QTMAN: variants seen among roughly 807,000 people sequenced by gnomAD.
The protein encoded by QTMAN is queuosine-tRNA mannosyltransferase.
chr2:143,961,484 T>C, the QTMAN span, among the ~76,000 whole-genome samples: 4 of 152,190 alleles, frequency 2.6e-5, no homozygotes, highest in African/African-American at 2.4e-5. Flanking sequence ...CCTATTTGTC[T>C]AGTAATGTCG....
chr2:144,187,007 A>C, the QTMAN span, among the ~76,000 whole-genome samples: 2 of 152,218 alleles, frequency 1.3e-5, no homozygotes, highest in African/African-American at 4.8e-5. Context: ...TAATATCTTA[A>C]GATGCTTAAT....
the QTMAN span, among the ~76,000 whole-genome samples, chr2:144,222,622 C>T: frequency 2.6e-5 from 4 of 151,416 alleles, no homozygotes; most frequent in African/African-American, 2.4e-5. Context: ...TTGGCTAACA[C>T]GGTGAAATCC....
chr2:143,987,834 T>C, the QTMAN span, among the ~76,000 whole-genome samples: 1 of 152,166 alleles, frequency 6.6e-6, no homozygotes, highest in South Asian at 2.1e-4. Flanking sequence ...TGAAGAGTAA[T>C]ACCAAATAGG....
chr2:144,155,253 AGATGTCAACC>A, the QTMAN span, among the ~76,000 whole-genome samples: 1 of 152,188 alleles, frequency 6.6e-6, no homozygotes, highest in Non-Finnish European at 1.5e-5. Context: ...GAGGAAAGGT[AGATGTCAACC>A]TGGTACAAAG....
chr2:144,129,960 G>C, the QTMAN span, among the ~76,000 whole-genome samples: 2 of 151,680 alleles, frequency 1.3e-5, no homozygotes, highest in Non-Finnish European at 2.9e-5. Flanking sequence ...CTTAAGGAAA[G>C]CATATCATTT....
chr2:144,217,337 G>A, the QTMAN span, among the ~76,000 whole-genome samples: 1 of 151,888 alleles, frequency 6.6e-6, no homozygotes, highest in East Asian at 1.9e-4. Flanking sequence ...ATACTTCACT[G>A]CAGGCACAGG....
At chr2:144,129,605 A>G in the QTMAN span, among the ~76,000 whole-genome samples, 1 of 152,014 alleles carries the variant, frequency 6.6e-6, no homozygotes, top group Admixed American at 6.6e-5. Flanking sequence ...AAGTATTTAA[A>G]CATTTCCCAG....
the QTMAN span, among the ~76,000 whole-genome samples, chr2:144,278,012 C>G: frequency 6.6e-6 from 1 of 152,170 alleles, no homozygotes; most frequent in Non-Finnish European, 1.5e-5. Flanking sequence ...AAGATAGCAT[C>G]AAACACAGGC....
the QTMAN span, among the ~76,000 whole-genome samples, chr2:144,279,497 CG>C: frequency 2.6e-5 from 4 of 152,206 alleles, no homozygotes; most frequent in African/African-American, 7.2e-5. Context: ...GGAAATGCTG[CG>C]GAACAGCCCT....
At chr2:144,189,289 T>C in the QTMAN span, among the ~76,000 whole-genome samples, 3 of 152,168 alleles carry the variant, frequency 2.0e-5, no homozygotes, top group Non-Finnish European at 4.4e-5. Context: ...GCCCCACTTA[T>C]GCAGAGTATT....
chr2:143,941,999 T>A, the QTMAN span: 9 of 158,502 alleles, frequency 5.7e-5, no homozygotes, highest in South Asian at 1.9e-3. Context: ...TTGAAGACAT[T>A]AAATTTTCAG....
At chr2:144,210,713 A>G in the QTMAN span, 3 of 152,206 alleles carry the variant, frequency 2.0e-5, no homozygotes, top group African/African-American at 7.2e-5. Flanking sequence ...AATCCTTCAA[A>G]TGATGGAAAT....
the QTMAN span, among the ~76,000 whole-genome samples, chr2:144,018,345 C>G: frequency 2.6e-4 from 39 of 151,978 alleles, no homozygotes; most frequent in African/African-American, 9.2e-4. Flanking sequence ...CTTTTGGCTC[C>G]CATATTAAAT....
the QTMAN span, chr2:144,211,037 T>C: frequency 6.6e-6 from 1 of 152,196 alleles, no homozygotes; most frequent in Non-Finnish European, 1.5e-5. Flanking sequence ...ATATAAATAT[T>C]GGAAAAGAAA....
the QTMAN span, among the ~76,000 whole-genome samples, chr2:144,127,455 G>C: frequency 6.6e-6 from 1 of 152,036 alleles, no homozygotes; most frequent in Admixed American, 6.6e-5. Context: ...AATTAAGTTA[G>C]TCATGAGGGA....
At chr2:144,300,437 A>C in the QTMAN span, among the ~76,000 whole-genome samples, 1 of 152,198 alleles carries the variant, frequency 6.6e-6, no homozygotes, top group Admixed American at 6.5e-5. Flanking sequence ...CAGCCCAAAG[A>C]ACTTACACAT....
chr2:144,028,789 G>C, the QTMAN span, among the ~76,000 whole-genome samples: 2 of 152,216 alleles, frequency 1.3e-5, no homozygotes, highest in African/African-American at 2.4e-5. Context: ...TAATGGCAAA[G>C]AAACTTGTTT....
the QTMAN span, among the ~76,000 whole-genome samples, chr2:143,947,510 C>T: frequency 4.6e-5 from 7 of 151,994 alleles, no homozygotes; most frequent in Non-Finnish European, 7.4e-5. Flanking sequence ...AAGTTTCTGC[C>T]GTGAATTTTA....
the QTMAN span, among the ~76,000 whole-genome samples, chr2:143,994,959 A>G: frequency 6.6e-6 from 1 of 152,210 alleles, no homozygotes; most frequent in Non-Finnish European, 1.5e-5. Context: ...TACAGGCAGA[A>G]AGTGCTTTTT....
Sources: gnomAD v4.1 joint callset for allele counts (sites outside exome capture counted in the v4.1 genomes callset) on GRCh38, gnomAD v4.1.1 for gene constraint, MANE v1.5 for transcripts, NCBI Gene and HGNC (gene_info 2026-07-23, HGNC 2026-07-21) for gene names.